IMPG2: variants seen among roughly 807,000 people sequenced by gnomAD.
IMPG2 encodes the protein interphotoreceptor matrix proteoglycan 2, also known as IPM 200.
IMPG2 carries 91 observed loss-of-function variants against 129.2 expected under a neutral mutation model. The ratio of observed to expected loss-of-function variants is 0.70; its 90% CI spans 0.59 to 0.84. The LOEUF (loss-of-function observed/expected upper bound fraction) is 0.84, where lower values mean the gene tolerates loss of function less well. Among genes scored for constraint, IMPG2 ranks in the 40% least tolerant of loss-of-function variants. The probability of loss-of-function intolerance (pLI) is 0.00; values close to 1 mark genes in which losing one functional copy is unlikely to be tolerated. For missense variants in IMPG2, 1,430 were observed against 1,461.7 expected (o/e 0.98, Z 0.35); for synonymous variants, 510 against 517.7 (o/e 0.99, Z 0.20).
chr3:101,254,029 C>G (rs949601673), intron 10 of IMPG2, among the ~76,000 whole-genome samples: 1 of 152,060 alleles, frequency 6.6e-6, no homozygotes, highest in Non-Finnish European at 1.5e-5. Flanking sequence ...TAGGACACTC[C>G]TCTATTACTT....
chr3:101,295,659 A>C (rs545054168), intron 3 of IMPG2, among the ~76,000 whole-genome samples: 3 of 152,246 alleles, frequency 2.0e-5, no homozygotes, highest in Admixed American at 2.0e-4. Context: ...CAGTATGGCC[A>C]TTTTCATGAT....
At chr3:101,304,695 T>G (rs1707170763) in intron 2 of IMPG2, among the ~76,000 whole-genome samples, 1 of 152,170 alleles carries the variant, frequency 6.6e-6, no homozygotes, top group Admixed American at 6.5e-5. Context: ...TTTGCAGATG[T>G]TCTCCTGAAA....
At chr3:101,305,997 C>T (rs1386782479) in intron 2 of IMPG2, among the ~76,000 whole-genome samples, 2 of 152,234 alleles carry the variant, frequency 1.3e-5, no homozygotes, top group East Asian at 3.9e-4. Flanking sequence ...GAAGATTGAA[C>T]ACACATCAGG....
At chr3:101,289,051 G>C (rs555095983) in intron 4 of IMPG2, among the ~76,000 whole-genome samples, 2 of 152,226 alleles carry the variant, frequency 1.3e-5, no homozygotes, top group African/African-American at 4.8e-5. Flanking sequence ...ATTTCCTCAA[G>C]AATGTTACCT....
chr3:101,239,290 C>A (rs1706380662), intron 14 of IMPG2, among the ~76,000 whole-genome samples: 1 of 152,166 alleles, frequency 6.6e-6, no homozygotes, highest in Non-Finnish European at 1.5e-5. Flanking sequence ...TGAACAGACA[C>A]TTCTCAAAAG....
chr3:101,276,105 T>G (rs1706838350), intron 5 of IMPG2, among the ~76,000 whole-genome samples: 1 of 152,158 alleles, frequency 6.6e-6, no homozygotes, highest in Non-Finnish European at 1.5e-5. Flanking sequence ...GGTTGGAAAT[T>G]GGTTGTGAAT....
chr3:101,246,694 T>TACTAATGTACTACTAATATTATC (rs1159276740), intron 11 of IMPG2, among the ~76,000 whole-genome samples: 1 of 152,212 alleles, frequency 6.6e-6, no homozygotes, highest in Non-Finnish European at 1.5e-5. Flanking sequence ...AGTGATGTTT[T>TACTAATGTACTACTAATATTATC]ACTAATGTAC....
At chr3:101,228,899 G>T in intron 17 of IMPG2, 23 bp from the exon 18 acceptor site, 1 of 1,552,584 alleles carries the variant, frequency 6.4e-7, no homozygotes, top group Non-Finnish European at 8.9e-7. Flanking sequence ...AGAAACAATA[G>T]GCCACACATT....
intron 4 of IMPG2, among the ~76,000 whole-genome samples, chr3:101,279,082 T>G (rs1706867202): frequency 6.6e-6 from 1 of 152,120 alleles, no homozygotes; most frequent in Non-Finnish European, 1.5e-5. Flanking sequence ...ATGAAAGAAA[T>G]AAGGTCCAAA....
At chr3:101,229,313 A>ACC in intron 17 of IMPG2, 67 bp downstream of exon 17, 2 of 401,344 alleles carry the variant, frequency 5.0e-6, no homozygotes, top group Non-Finnish European at 9.6e-6. Context: ...CCCACCCACC[A>ACC]CCCCCTGCTC....
intron 16 of IMPG2, 99 bp downstream of exon 16, chr3:101,230,858 C>G: frequency 1.9e-6 from 2 of 1,058,856 alleles, no homozygotes; most frequent in South Asian, 1.3e-5. Flanking sequence ...TCTCTTCCAC[C>G]CAGCCAGCTC....
intron 3 of IMPG2, among the ~76,000 whole-genome samples, chr3:101,294,651 C>G (rs1472708063): frequency 1.3e-5 from 2 of 152,128 alleles, no homozygotes; most frequent in African/African-American, 4.8e-5. Context: ...GGTTCTAGAC[C>G]CTTGAGGAAT....
At chr3:101,245,395 A>C (rs1210676705) in intron 12 of IMPG2, among the ~76,000 whole-genome samples, 3 of 152,152 alleles carry the variant, frequency 2.0e-5, no homozygotes, top group Non-Finnish European at 4.4e-5. Context: ...ATACTACTAC[A>C]AGTAAAAATC....
chr3:101,256,535 T>C (rs534272325), intron 10 of IMPG2, among the ~76,000 whole-genome samples: 10 of 152,232 alleles, frequency 6.6e-5, no homozygotes, highest in Non-Finnish European at 1.3e-4. Flanking sequence ...GATCTTCCTA[T>C]GTAAATCCAA....
chr3:101,236,105 A>T (rs887498984), intron 14 of IMPG2, among the ~76,000 whole-genome samples: 1 of 152,206 alleles, frequency 6.6e-6, no homozygotes, highest in East Asian at 1.9e-4. Flanking sequence ...CTTTGAGCAG[A>T]TCAAAAACAG....
chr3:101,302,397 G>A (rs958491761), intron 3 of IMPG2, among the ~76,000 whole-genome samples: 1 of 152,136 alleles, frequency 6.6e-6, no homozygotes, highest in Admixed American at 6.5e-5. Flanking sequence ...GTATATGTGT[G>A]TGTATGTCTA....
At position 101,246,059 on chromosome 3, in the gene IMPG2, G is replaced by C. The variant is rs576207108; in HGVS notation, c.1286C>G (p.Thr429Ser). The C allele has an allele frequency of 2.5e-6, 4 of 1,614,138 alleles. No individual in the cohort carries two copies. The highest frequency in any genetic ancestry group is 1.1e-5 in the South Asian group (1 of 91,086). Residue 429 changes from threonine (T) to serine (S), a missense_variant, in exon 12 of 19, where the codon ACC (threonine) becomes AGC (serine). By Grantham distance (58) the Thr-to-Ser change is moderately conservative (BLOSUM62 1). Coordinates refer to ENST00000193391, the MANE Select transcript of IMPG2 (RefSeq NM_016247.4). Reference sequence around the variant, plus strand: ...GAAATCAAGTGGTGGAATACTGCTGGTGATGGATTCATCTGCTGAGGGCCA... The same window carrying C: ...GAAATCAAGTGGTGGAATACTGCTGCTGATGGATTCATCTGCTGAGGGCCA... ...AAWPSADESI[T>S]SSIPPLDFSS...
At chr3:101,296,963 C>T (rs538941234) in intron 3 of IMPG2, among the ~76,000 whole-genome samples, 48 of 152,232 alleles carry the variant, frequency 3.2e-4, no homozygotes, top group African/African-American at 9.9e-4. Context: ...AGTGCAGTGG[C>T]GTGATCTCGG....
Position 101,248,856 on chromosome 3 carries a change from C to T in IMPG2, c.1240-2751G>A, listed in dbSNP as rs150763472. Among the ~76,000 whole-genome samples the T allele has an allele frequency of 2.2e-3, 339 of 152,308 alleles. 2 individuals carry two copies. Among genetic ancestry groups the T allele is most frequent in the African/African-American group, 7.9e-3 (329 of 41,562 alleles). On this transcript the variant is annotated intron_variant, in intron 11 of 18. Transcript: ENST00000193391. ...GATTATTCTGTATTTGTCACCACCACTTCAGATCCTTCTCTTCCTGCCCTC... is the reference window on the plus strand; with the variant it reads ...GATTATTCTGTATTTGTCACCACCATTTCAGATCCTTCTCTTCCTGCCCTC...
Sources: allele counts gnomAD v4.1 joint callset (sites outside exome capture counted in the v4.1 genomes callset), GRCh38; gene constraint gnomAD v4.1.1; transcripts MANE v1.5; gene names NCBI Gene and HGNC (gene_info 2026-07-23, HGNC 2026-07-21).